The following KCNIP4 variants were observed in gnomAD, a reference collection of about 807,000 sequenced individuals.
KCNIP4 encodes the protein potassium voltage-gated channel interacting protein 4.
KCNIP4 carries 12 observed loss-of-function variants against 34.0 expected under a neutral mutation model. The observed-to-expected ratio is 0.35, with a 90% confidence interval of 0.23 to 0.57. The LOEUF (loss-of-function observed/expected upper bound fraction) is 0.57, where lower values mean the gene tolerates loss of function less well. Among genes scored for constraint, KCNIP4 ranks in the 20% least tolerant of loss-of-function variants. KCNIP4 has a pLI of 0.83. For synonymous variants in KCNIP4, 124 were observed against 102.2 expected (o/e 1.21, Z -1.29); for missense variants, 238 against 311.7 (o/e 0.76, Z 1.78).
At chr4:21,241,479 C>T (rs1410357406) in intron 1 of KCNIP4, among the ~76,000 whole-genome samples, 1 of 151,976 alleles carries the variant, frequency 6.6e-6, no homozygotes, top group African/African-American at 2.4e-5. Context: ...GGCTGAGTCA[C>T]CAGGTAAGGA....
chr4:20,799,007 G>T (rs1253916100), intron 3 of KCNIP4, among the ~76,000 whole-genome samples: 1 of 152,170 alleles, frequency 6.6e-6, no homozygotes, highest in African/African-American at 2.4e-5. Flanking sequence ...CTACTAGAGT[G>T]CATCCTGCTC....
chr4:21,239,454 GA>G (rs1327235602), intron 1 of KCNIP4, among the ~76,000 whole-genome samples: 2 of 151,372 alleles, frequency 1.3e-5, no homozygotes, highest in African/African-American at 2.4e-5. Flanking sequence ...CAGAATGGGA[GA>G]AAATTTTTGC....
chr4:21,294,374 C>T (rs1211501744), intron 1 of KCNIP4, among the ~76,000 whole-genome samples: 1 of 152,198 alleles, frequency 6.6e-6, no homozygotes, highest in African/African-American at 2.4e-5. Flanking sequence ...AGCCTCACTA[C>T]AACTGTGTCA....
intron 1 of KCNIP4, among the ~76,000 whole-genome samples, chr4:21,637,672 A>G (rs1203796081): frequency 6.6e-6 from 1 of 151,240 alleles, no homozygotes; most frequent in African/African-American, 2.4e-5. Flanking sequence ...AATCCCAGCT[A>G]CTCTGGAGGC....
At chr4:21,326,282 G>A (rs1435907782) in intron 1 of KCNIP4, among the ~76,000 whole-genome samples, 2 of 124,530 alleles carry the variant, frequency 1.6e-5, no homozygotes, top group African/African-American at 6.9e-5. Context: ...CTCTAGAGTT[G>A]GATATACATA....
chr4:21,421,248 T>C (rs1381416747), intron 1 of KCNIP4, among the ~76,000 whole-genome samples: 1 of 152,156 alleles, frequency 6.6e-6, no homozygotes, highest in Non-Finnish European at 1.5e-5. Flanking sequence ...AACTATCACA[T>C]GATCCAGCAA....
At chr4:21,900,271 G>T (rs919873103) in intron 1 of KCNIP4, among the ~76,000 whole-genome samples, 7 of 152,156 alleles carry the variant, frequency 4.6e-5, no homozygotes, top group African/African-American at 1.7e-4. Flanking sequence ...AAAGTAATTA[G>T]AAAATTCGGA....
chr4:21,141,933 C>A (rs181549373), intron 1 of KCNIP4, among the ~76,000 whole-genome samples: 96 of 151,230 alleles, frequency 6.3e-4, no homozygotes, highest in African/African-American at 2.3e-3. Context: ...GTGTGGATCA[C>A]GAGGTCAGAA....
At chr4:21,087,146 ATGTGTGTGTGTGTGTGTGTGTGTG>A (rs34874556) in intron 1 of KCNIP4, among the ~76,000 whole-genome samples, 2 of 110,924 alleles carry the variant, frequency 1.8e-5, no homozygotes, top group Admixed American at 9.7e-5. Flanking sequence ...CTGCTGGGTA[ATGTGTGTGTGTGTGTGTGTGTGTG>A]TGTGTGTGTG....
rs1243656610 is a variant in KCNIP4 at position 21,772,470 on chromosome 4, A to G, written c.61+176101T>C. On this transcript the variant is annotated intron_variant, in intron 1 of 8. Coordinates refer to ENST00000382152, the MANE Select transcript of KCNIP4 (RefSeq NM_025221.6). ...AGTCAGGGAGGAGTCTCTCCTGTTC[A>G]ATTGTTTGGAATAGTTTCAGAAGGA... 2.0e-5 allele frequency among the ~76,000 whole-genome samples: 3 copies of G among 151,876 alleles called. No homozygotes were observed. In the East Asian group the frequency reaches 5.8e-4, roughly 29 times the overall value.
chr4:20,754,941 C>T (rs1187582122), intron 4 of KCNIP4, among the ~76,000 whole-genome samples: 1 of 152,090 alleles, frequency 6.6e-6, no homozygotes, highest in Non-Finnish European at 1.5e-5. Flanking sequence ...GGTAGGCACT[C>T]AGATAGTAAA....
intron 1 of KCNIP4, among the ~76,000 whole-genome samples, chr4:21,118,787 G>A (rs981537387): frequency 6.6e-6 from 1 of 151,776 alleles, no homozygotes; most frequent in East Asian, 2.0e-4. Context: ...TAGGAAGGGG[G>A]AAGGCAGAAT....
intron 1 of KCNIP4, among the ~76,000 whole-genome samples, chr4:21,747,069 T>A (rs1004584247): frequency 1.3e-5 from 2 of 152,200 alleles, no homozygotes; most frequent in African/African-American, 4.8e-5. Flanking sequence ...CTATTAAGCG[T>A]AGCTCAACAG....
At chr4:21,012,420 A>G (rs1006903131) in intron 1 of KCNIP4, among the ~76,000 whole-genome samples, 1 of 152,128 alleles carries the variant, frequency 6.6e-6, no homozygotes, top group African/African-American at 2.4e-5. Flanking sequence ...CTTCACAAAA[A>G]TAAAAATAAA....
chr4:21,695,419 C>T (rs183622389), intron 1 of KCNIP4, among the ~76,000 whole-genome samples: 6 of 146,264 alleles, frequency 4.1e-5, no homozygotes, highest in Admixed American at 4.1e-4. Context: ...TTCAAAGATG[C>T]TGTGCTTCTT....
chr4:20,823,814 G>A (rs1717398732), intron 3 of KCNIP4, among the ~76,000 whole-genome samples: 1 of 152,200 alleles, frequency 6.6e-6, no homozygotes, highest in Non-Finnish European at 1.5e-5. Flanking sequence ...TGATAATGGT[G>A]AGACTAGAAA....
At chr4:21,502,464 C>T (rs755017316) in intron 1 of KCNIP4, among the ~76,000 whole-genome samples, 2 of 151,978 alleles carry the variant, frequency 1.3e-5, no homozygotes, top group Non-Finnish European at 2.9e-5. Context: ...ATCATTTTGC[C>T]CTAAGAATAT....
At chr4:21,228,771 G>A (rs1430272686) in intron 1 of KCNIP4, among the ~76,000 whole-genome samples, 1 of 152,062 alleles carries the variant, frequency 6.6e-6, no homozygotes, top group Non-Finnish European at 1.5e-5. Context: ...TAACACTTTT[G>A]TTCTTTTGTT....
At chr4:21,657,784 T>C (rs1748085310) in intron 1 of KCNIP4, among the ~76,000 whole-genome samples, 1 of 152,208 alleles carries the variant, frequency 6.6e-6, no homozygotes, top group African/African-American at 2.4e-5. Flanking sequence ...CATAATTTGA[T>C]GTTCAATGAG....
Sources: gnomAD v4.1 joint callset for allele counts (sites outside exome capture counted in the v4.1 genomes callset) on GRCh38, gnomAD v4.1.1 for gene constraint, MANE v1.5 for transcripts, NCBI Gene and HGNC (gene_info 2026-07-23, HGNC 2026-07-21) for gene names.